Variants in C6 observed in about 807,000 individuals in gnomAD.
The protein encoded by C6 is complement C6.
C6 carries 101 observed loss-of-function variants against 112.9 expected under a neutral mutation model. The ratio of observed to expected loss-of-function variants is 0.89; its 90% CI spans 0.76 to 1.06. The LOEUF is 1.06. Among genes scored for constraint, C6 ranks in the 50% least tolerant of loss-of-function variants. The pLI, the probability that C6 is intolerant of heterozygous loss-of-function variation, is 0.00. For missense variants in C6, 1,202 were observed against 1,104.6 expected (o/e 1.09, Z -1.25); for synonymous variants, 431 against 384.1 (o/e 1.12, Z -1.43).
chr5:41,166,153 G>T (rs80135132), intron 9 of C6, among the ~76,000 whole-genome samples: 6,937 of 152,118 alleles, frequency 0.046, 168 homozygotes, highest in Middle Eastern at 0.071. Flanking sequence ...TTTAAAGATG[G>T]AACTCCCTTT....
At chr5:41,258,280 C>T (rs2910648) in intron 1 of C6, among the ~76,000 whole-genome samples, 106,347 of 152,030 alleles carry the variant, frequency 0.7, 37,337 homozygotes, top group African/African-American at 0.72. Context: ...AGTCAAATTT[C>T]ATAAACTTCT....
At chr5:41,186,011 G>C in intron 6 of C6, 59 bp downstream of exon 6, 1 of 1,601,056 alleles carries the variant, frequency 6.2e-7, no homozygotes, top group African/African-American at 1.3e-5. Flanking sequence ...TTTTGCATGA[G>C]AAATTTAGCT....
intron 1 of C6, among the ~76,000 whole-genome samples, chr5:41,257,500 T>C (rs444312): frequency 0.36 from 54,614 of 152,038 alleles, 11,310 homozygotes; most frequent in Non-Finnish European, 0.47. Context: ...TGTATCTTTC[T>C]GGTAGAATGA....
At chr5:41,159,458 C>T (rs866722477) in intron 11 of C6, 1 of 985,004 alleles carries the variant, frequency 1.0e-6, no homozygotes, top group Non-Finnish European at 1.2e-6. Flanking sequence ...TTCCCATAAG[C>T]CTAAATAAAA....
At position 41,204,459 on chromosome 5, in the gene C6, C is replaced by T. The variant is rs112330786; in HGVS notation, c.-20-1209G>A. Among the ~76,000 whole-genome samples the T allele has an allele frequency of 8.1e-3, 1,235 of 152,034 alleles. 19 individuals carry two copies. The highest frequency in any genetic ancestry group is 0.028 in the African/African-American group (1,159 of 41,478). The stretch of plus-strand genomic sequence containing the variant: ...TGCTAAAATATGGCTCTCTCATGTC[C>T]CAGAGGATGAGTTTCTGATTATATT... On this transcript the variant is annotated intron_variant, in intron 1 of 17. Coordinates refer to ENST00000337836, the MANE Select transcript of C6 (RefSeq NM_000065.5).
intron 13 of C6, among the ~76,000 whole-genome samples, chr5:41,157,005 G>A (rs1241043304): frequency 6.6e-6 from 1 of 152,062 alleles, no homozygotes; most frequent in Non-Finnish European, 1.5e-5. Flanking sequence ...ATATACTTGT[G>A]TGCAATAACA....
intron 7 of C6, among the ~76,000 whole-genome samples, chr5:41,178,924 G>T (rs111547974): frequency 2.6e-5 from 4 of 151,968 alleles, no homozygotes; most frequent in African/African-American, 7.3e-5. Context: ...TGCGATCTCC[G>T]CTCACTGCAA....
chr5:41,210,816 G>A (rs1485436267), intron 1 of C6, among the ~76,000 whole-genome samples: 1 of 152,268 alleles, frequency 6.6e-6, no homozygotes, highest in Non-Finnish European at 1.5e-5. Flanking sequence ...AACCATTGTG[G>A]AAGGCAGTGT....
In C6 at chr5:41,158,420, A is replaced by G. The variant is rs550744704; in HGVS notation, c.1968+254T>C. 2.6e-5 allele frequency among the ~76,000 whole-genome samples: 4 copies of G among 152,278 alleles called. No homozygotes were observed. In the East Asian group the frequency reaches 7.7e-4, roughly 29 times the overall value. On this transcript the variant is annotated intron_variant, in intron 13 of 17. Coordinates refer to ENST00000337836, the MANE Select transcript of C6 (RefSeq NM_000065.5). The stretch of plus-strand genomic sequence containing the variant: ...ATTCTCACAAGTCATACAATCCTAT[A>G]TTATACTGAAGTTCTATTACCTTTC...
chr5:41,183,000 TG>T (rs1188411329), intron 6 of C6, among the ~76,000 whole-genome samples: 2 of 152,354 alleles, frequency 1.3e-5, no homozygotes, highest in East Asian at 3.9e-4. Context: ...TCAAGCTTTG[TG>T]GGTTAACCCA....
At chr5:41,157,742 G>A (rs923923462) in intron 13 of C6, among the ~76,000 whole-genome samples, 3 of 152,172 alleles carry the variant, frequency 2.0e-5, no homozygotes, top group African/African-American at 7.2e-5. Flanking sequence ...TCAGAAACTC[G>A]AGGAGTGAGA....
In C6 at chr5:41,199,890, C is replaced by T. The variant is rs200213547; in HGVS notation, c.323G>A (p.Arg108His). ...TGGCTGTCCCCCAAACTGACTGGGA[C>T]GCAAGACAGATCTAACTTTAGACTG... ...EKQSKVRSVLRPSQFGGQPCT... is the reference protein window; with the variant it reads ...EKQSKVRSVLHPSQFGGQPCT... The change falls in exon 4 of 18, where the codon CGT becomes CAT. Residue 108 changes from arginine (R) to histidine (H), a missense_variant. Transcript: ENST00000337836. 201 of 1,613,494 alleles carry T rather than the reference C, an allele frequency of 1.2e-4. 2 individuals carry two copies. The South Asian group carries it at 1.3e-3, about 10-fold the overall frequency.
Position 41,158,650 on chromosome 5 carries a change from A to G in C6, c.1968+24T>C, listed in dbSNP as rs201407981. On this transcript the variant is annotated intron_variant, in intron 13 of 17. Transcript: ENST00000337836. ...TTCGAGGTTTTTAAAACTACAAACC[A>G]AAAGTGAGGTTTAGGATGCTGACCC... The G allele has an allele frequency of 5.7e-4, 774 of 1,366,056 alleles. 6 individuals are homozygous for G. In the African/African-American group the frequency reaches 0.01, roughly 18 times the overall value. The allele number at this position is 1,366,056 out of a possible 1,614,324, so 84.6% of individuals were successfully genotyped here. A position where few individuals can be genotyped will look rare whatever the true frequency, so the allele number is the denominator to read the frequency against.
chr5:41,217,833 T>C (rs994653734), upstream of C6, among the ~76,000 whole-genome samples: 1 of 152,250 alleles, frequency 6.6e-6, no homozygotes, highest in Non-Finnish European at 1.5e-5. Flanking sequence ...AAAAAGCCTA[T>C]TGAAGTCAGA....
chr5:41,200,394 A>G (rs1355813266), intron 3 of C6, among the ~76,000 whole-genome samples: 1 of 152,200 alleles, frequency 6.6e-6, no homozygotes, highest in Non-Finnish European at 1.5e-5. Flanking sequence ...GAGTAGTAAA[A>G]TGGTGAGTCA....
upstream of C6, among the ~76,000 whole-genome samples, chr5:41,214,151 T>G (rs954351160): frequency 6.6e-6 from 1 of 152,156 alleles, no homozygotes; most frequent in Admixed American, 6.6e-5. Context: ...CTATAGGGAC[T>G]GAGAATGTGG....
At chr5:41,184,591 A>C (rs1168683285) in intron 6 of C6, among the ~76,000 whole-genome samples, 3 of 151,160 alleles carry the variant, frequency 2.0e-5, no homozygotes, top group Middle Eastern at 3.4e-3. Context: ...CATGCCTCAG[A>C]CTCCTGAGTA....
chr5:41,228,390 ATTGTG>A (rs1739662419), intron 1 of C6, among the ~76,000 whole-genome samples: 2 of 152,076 alleles, frequency 1.3e-5, no homozygotes, highest in East Asian at 3.9e-4. Context: ...TACATATAAG[ATTGTG>A]TTATCTGCAA....
At chr5:41,170,724 TTTTA>T (rs1748359582) in intron 9 of C6, among the ~76,000 whole-genome samples, 1 of 152,126 alleles carries the variant, frequency 6.6e-6, no homozygotes, top group South Asian at 2.1e-4. Context: ...AAATATTATA[TTTTA>T]TTTGTTTCTT....
Sources: gnomAD v4.1 joint callset for allele counts (sites outside exome capture counted in the v4.1 genomes callset) on GRCh38, gnomAD v4.1.1 for gene constraint, MANE v1.5 for transcripts, NCBI Gene and HGNC (gene_info 2026-07-23, HGNC 2026-07-21) for gene names.